BRAP: variants seen among roughly 807,000 people sequenced by gnomAD.
The protein encoded by BRAP is BRCA1-associated protein.
In BRAP, 42 loss-of-function variants were observed where a neutral mutation model predicts 73.4. The observed-to-expected ratio is 0.57, with a 90% CI of 0.45 to 0.74. The LOEUF is 0.74. BRAP is among the 30% of genes least tolerant of loss of function. The pLI, the probability that BRAP is intolerant of heterozygous loss-of-function variation, is 0.00. For missense variants in BRAP, 593 were observed against 751.4 expected, an observed-to-expected ratio of 0.79 and a Z score of 2.46; for synonymous variants, 255 against 267.4, an observed-to-expected ratio of 0.95 and a Z score of 0.45.
intron 2 of BRAP, 113 bp downstream of exon 2, chr12:111,683,033 G>A: frequency 8.1e-7 from 1 of 1,228,490 alleles, no homozygotes; most frequent in Non-Finnish European, 1.1e-6. Flanking sequence ...CACACGTAGT[G>A]AAAGACAAAA....
intron 1 of BRAP, 120 bp from the exon 2 acceptor site, chr12:111,683,427 C>T (rs1887680603): frequency 1.7e-6 from 2 of 1,168,464 alleles, no homozygotes; most frequent in East Asian, 2.4e-5. Flanking sequence ...GATAAGAAGC[C>T]TTTGTAGTAT....
At chr12:111,652,623 C>T (rs1886371155) in intron 10 of BRAP, among the ~76,000 whole-genome samples, 1 of 152,250 alleles carries the variant, frequency 6.6e-6, no homozygotes, top group South Asian at 2.1e-4. Flanking sequence ...CGCCTGTAAT[C>T]CCAGCCCTCT....
intron 6 of BRAP, among the ~76,000 whole-genome samples, chr12:111,662,897 G>A (rs1166507952): frequency 6.6e-6 from 1 of 150,534 alleles, no homozygotes; most frequent in Non-Finnish European, 1.5e-5. Context: ...GAGGCAGGAG[G>A]ATGGCTTGAA....
At chr12:111,685,575 G>A (rs1887789876) in intron 1 of BRAP, 136 bp downstream of exon 1, 2 of 1,371,316 alleles carry the variant, frequency 1.5e-6, no homozygotes, top group African/African-American at 1.5e-5. Flanking sequence ...GGAAAGAGAG[G>A]GATCCCGATT....
chr12:111,661,403 C>CTGAG (rs761822975), intron 6 of BRAP, among the ~76,000 whole-genome samples: 9 of 151,950 alleles, frequency 5.9e-5, no homozygotes, highest in Non-Finnish European at 1.2e-4. Flanking sequence ...CCTCAGCCTC[C>CTGAG]TGAGTAGCTG....
chr12:111,680,974 C>G (rs1486600007), intron 3 of BRAP, among the ~76,000 whole-genome samples: 1 of 152,000 alleles, frequency 6.6e-6, no homozygotes, highest in African/African-American at 2.4e-5. Flanking sequence ...TTAGCAGCCT[C>G]TTCAGTAAAG....
rs1886922719 is a variant in BRAP at position 111,665,931 on chromosome 12, C to T, written c.748-144G>A. 2.6e-6 allele frequency: 3 copies of T among 1,150,076 alleles called. No homozygotes were observed. Among genetic ancestry groups the T allele is most frequent in the Non-Finnish European group, 3.7e-6 (3 of 820,466 alleles). The allele number at this position is 1,150,076 out of a possible 1,614,324, so 71.2% of individuals were successfully genotyped here. On this transcript the variant is annotated intron_variant, in intron 5 of 11. Transcript: ENST00000419234. The surrounding 1 kb of genome is among the most constrained non-coding windows in gnomAD (Gnocchi z 4.3). ...AATCATGGCTCATTACAGCCTTGAC[C>T]TCCCAGGCTCAAGAGATCTGCCCAC...
rs190633865 is a variant in BRAP at position 111,644,533 on chromosome 12, T to C, written c.1445A>G (p.Lys482Arg). ...KCTQLNTKVA[K>R]LTNELKEEQE... Reference sequence around the variant, plus strand: ...CTCCTCTTTGAGCTCGTTGGTGAGTTTGGCCACTTTTGTGTTTAGCTGAGT... The same window carrying C: ...CTCCTCTTTGAGCTCGTTGGTGAGTCTGGCCACTTTTGTGTTTAGCTGAGT... The change falls in exon 12 of 12, where the codon AAA (lysine) becomes AGA (arginine). Residue 482 changes from lysine to arginine, a missense_variant. Around this residue, in one of 4 missense-constraint regions of BRAP, gnomAD observed 143 missense variants for 190.4 expected, o/e 0.75. Coordinates refer to ENST00000419234, the MANE Select transcript of BRAP (RefSeq NM_006768.5). 5.0e-6 allele frequency: 8 copies of C among 1,613,868 alleles called. No individual in the cohort carries two copies. In the South Asian group the frequency reaches 5.5e-5, roughly 11 times the overall value.
intron 2 of BRAP, 59 bp downstream of exon 2, chr12:111,683,087 T>C: frequency 6.4e-7 from 1 of 1,552,270 alleles, no homozygotes; most frequent in Non-Finnish European, 8.7e-7. Flanking sequence ...ACACCGTGTA[T>C]AAAATAGGCA....
intron 10 of BRAP, among the ~76,000 whole-genome samples, chr12:111,654,367 G>A (rs1886436667): frequency 6.6e-6 from 1 of 150,976 alleles, no homozygotes; most frequent in Non-Finnish European, 1.5e-5. Flanking sequence ...TCAGGCTGGA[G>A]TGCAGTGGTG....
chr12:111,661,999 T>C (rs919448543), intron 6 of BRAP, among the ~76,000 whole-genome samples: 2 of 152,186 alleles, frequency 1.3e-5, no homozygotes, highest in Non-Finnish European at 2.9e-5. Flanking sequence ...AATGTACTTA[T>C]TGAAATGCAC....
chr12:111,650,434 T>C lies in BRAP; in HGVS notation c.1312-392A>G, dbSNP rs942369133. ...GTGCCTGCCACCACGCCCGGCTAAT[T>C]TTTGTATTTTTAGTAGAGACAGGGT... On this transcript the variant is annotated intron_variant, in intron 10 of 11. Transcript: ENST00000419234. 4.3e-4 allele frequency among the ~76,000 whole-genome samples: 65 copies of C among 152,228 alleles called. 1 individual carries two copies. The highest frequency in any genetic ancestry group is 4.2e-3 in the Admixed American group (64 of 15,284).
chr12:111,671,481 T>A (rs1566123893), intron 5 of BRAP, among the ~76,000 whole-genome samples: 1 of 151,726 alleles, frequency 6.6e-6, no homozygotes, highest in Non-Finnish European at 1.5e-5. Flanking sequence ...ACCTGGGAGG[T>A]GGAGGTTGCA....
chr12:111,660,658 T>G lies in BRAP; in HGVS notation c.914A>C (p.Tyr305Ser), dbSNP rs1171748597. The G allele has an allele frequency of 1.9e-6, 3 of 1,608,274 alleles. No homozygotes were observed. Among genetic ancestry groups the G allele is most frequent in the African/African-American group, 1.3e-5 (1 of 74,790 alleles). Residue 305 changes from tyrosine (Y) to serine (S), a missense_variant, in exon 7 of 12, where the codon TAC (tyrosine) becomes TCC (serine). Physicochemically the swap from Tyr to Ser is moderately radical, Grantham distance 144 (BLOSUM62 -2). This residue lies in a region of BRAP where 67 missense variants were observed against 158.0 expected (regional missense o/e 0.42). Coordinates refer to ENST00000419234, the MANE Select transcript of BRAP (RefSeq NM_006768.5). Reference protein sequence around the residue: ...WDDTTCPVCRYCQTPEPVEEN... With the variant: ...WDDTTCPVCRSCQTPEPVEEN... ...TTCTACTGGCTCGGGCGTTTGACAG[T>G]ACCGGCAAACAGGACACCTATCCAG...
At chr12:111,676,135 C>A (rs1887372167) in intron 4 of BRAP, among the ~76,000 whole-genome samples, 1 of 152,068 alleles carries the variant, frequency 6.6e-6, no homozygotes, top group Admixed American at 6.6e-5. Flanking sequence ...GTCTTGGCCT[C>A]CCAAGGTGTT....
intron 4 of BRAP, 179 bp from the exon 5 acceptor site, chr12:111,672,953 G>C (rs1272287621): frequency 7.3e-6 from 4 of 549,284 alleles, no homozygotes; most frequent in African/African-American, 1.9e-5. Flanking sequence ...ATCACACTCT[G>C]TAAGTCAATA....
Position 111,644,249 on chromosome 12 carries a change from C to T in BRAP, c.1729G>A (p.Gly577Ser). 2 of 1,613,884 alleles carry T rather than the reference C, an allele frequency of 1.2e-6. No individual in the cohort carries two copies. The highest frequency in any genetic ancestry group is 1.7e-6 in the Non-Finnish European group (2 of 1,180,016). The stretch of plus-strand genomic sequence containing the variant: ...TTCCTGGAGGGCAACTTCCCACTGC[C>T]CCCCGAAGAGGCAGGGCTCGAGGCC... ...ASASSPASSG[G>S]SGKLPSRKGR... The change falls in exon 12 of 12, where the codon GGC becomes AGC. Residue 577 changes from glycine to serine, a missense_variant. Gly to Ser is a moderately conservative substitution (Grantham distance 56, BLOSUM62 0). This residue lies in a region of BRAP where 79 missense variants were observed against 65.3 expected (regional missense o/e 1.21). Coordinates refer to ENST00000419234, the MANE Select transcript of BRAP (RefSeq NM_006768.5).
rs761960914 is a variant in BRAP, at chr12:111,681,648, T to C, written c.432A>G (p.Leu144=). Residue 144 remains leucine, a synonymous_variant, in exon 3 of 12, where the codon CTA becomes CTG. Coordinates refer to ENST00000419234, the MANE Select transcript of BRAP (RefSeq NM_006768.5). The part of the protein sequence containing the change: ...SVEIVHGIMH[L]YKTNKMTSLK... ...GAGGGTTTTCTTACTTTGTCTTATA[T>C]AGGTGCATAATACCATGAACTATTT... 2.5e-6 allele frequency: 4 copies of C among 1,610,434 alleles called. No individual in the cohort carries two copies. The highest frequency in any genetic ancestry group is 2.2e-5 in the South Asian group (2 of 90,698).
intron 3 of BRAP, among the ~76,000 whole-genome samples, chr12:111,680,249 C>T (rs570378304): frequency 6.6e-6 from 1 of 151,796 alleles, no homozygotes; most frequent in South Asian, 2.1e-4. Context: ...CCACCACGCC[C>T]GGCAAGAGAG....
Sources: gnomAD v4.1 joint callset for allele counts (sites outside exome capture counted in the v4.1 genomes callset) on GRCh38, gnomAD v4.1.1 for gene constraint, gnomAD v4.1.1 regional missense constraint, Gnocchi (gnomAD v3.1) non-coding constraint, MANE v1.5 for transcripts, NCBI Gene and HGNC (gene_info 2026-07-23, HGNC 2026-07-21) for gene names.